Variants in SKP1 observed in about 807,000 individuals in gnomAD.
The protein encoded by SKP1 is S-phase kinase associated protein 1.
SKP1 carries 1 observed loss-of-function variant against 21.5 expected under a neutral mutation model. The observed-to-expected ratio is 0.05, with a 90% CI of 0.02 to 0.22. The LOEUF is 0.22. Ranked by LOEUF, SKP1 falls within the 10% of genes least tolerant of loss-of-function variation. The pLI, the probability that SKP1 is intolerant of heterozygous loss-of-function variation, is 1.00. For missense variants in SKP1, 70 were observed against 192.0 expected (o/e 0.36, Z 3.76); for synonymous variants, 59 against 59.3 (o/e 0.99, Z 0.03).
intron 2 of SKP1, among the ~76,000 whole-genome samples, chr5:134,170,082 T>C (rs59105115): frequency 0.1 from 15,567 of 151,246 alleles, 997 homozygotes; most frequent in African/African-American, 0.17. Flanking sequence ...GGCAGGGGAA[T>C]TGCTTGAACC....
rs976793444 is a variant in SKP1 at position 134,151,745 on chromosome 5, A to C, written c.*5988T>G. ...ATGAGCAACTACATTCCTCCCATAG[A>C]ATGCTGCTCAATACTGGCACACAGA... On this transcript the variant is annotated 3_prime_UTR_variant, in exon 6 of 6. Coordinates refer to ENST00000353411, the MANE Select transcript of SKP1 (RefSeq NM_170679.3). 4 of 455,314 alleles carry C rather than the reference A, an allele frequency of 8.8e-6. No homozygotes were observed. The East Asian group carries it at 2.8e-4, about 32-fold the overall frequency. The allele number at this position is 455,314 out of a possible 1,614,324, so 28.2% of individuals were successfully genotyped here. A position where few individuals can be genotyped will look rare whatever the true frequency, so the allele number is the denominator to read the frequency against.
At position 134,151,655 on chromosome 5, in the gene SKP1, G is replaced by A. The variant is rs1347161582; in HGVS notation, c.*6078C>T. 2.2e-6 allele frequency: 1 copy of A among 456,102 alleles called. No individual in the cohort carries two copies. Among genetic ancestry groups the A allele is most frequent in the East Asian group, 6.9e-5 (1 of 14,396 alleles). 28.3% of individuals were successfully genotyped at this position (456,102 alleles called of 1,614,324 possible). On this transcript the variant is annotated 3_prime_UTR_variant, in exon 6 of 6. Coordinates refer to ENST00000353411, the MANE Select transcript of SKP1 (RefSeq NM_170679.3). ...GTCTGAATATACTTAAATACTTCCA[G>A]AAAATTTAAAGTTGACAGATATCAG...
At chr5:134,163,352 T>A (rs1761258215) in intron 3 of SKP1, among the ~76,000 whole-genome samples, 1 of 150,284 alleles carries the variant, frequency 6.7e-6, no homozygotes, top group Non-Finnish European at 1.5e-5. Flanking sequence ...AACAAAAAAA[T>A]GCCACATTAC....
At chr5:134,157,851 T>C (rs896802604) in intron 5 of SKP1, 83 bp from the exon 6 acceptor site, 22 of 1,610,718 alleles carry the variant, frequency 1.4e-5, no homozygotes, top group East Asian at 2.2e-5. Context: ...GATTCATCGA[T>C]AGCCAGTGAG....
Position 134,156,655 on chromosome 5 carries a change from T to C in SKP1, c.*1078A>G, listed in dbSNP as rs1362297613. ...CTTCATTCTATTGTAGGAGGGAAGCTGGAAACAATGGCAGAGTAATTTTGT... is the reference window on the plus strand; with the variant it reads ...CTTCATTCTATTGTAGGAGGGAAGCCGGAAACAATGGCAGAGTAATTTTGT... On this transcript the variant is annotated 3_prime_UTR_variant, in exon 6 of 6. Coordinates refer to ENST00000353411, the MANE Select transcript of SKP1 (RefSeq NM_170679.3). 1.3e-5 allele frequency: 2 copies of C among 152,256 alleles called. No homozygotes were observed. Among genetic ancestry groups the C allele is most frequent in the Non-Finnish European group, 2.9e-5 (2 of 68,040 alleles). The allele number at this position is 152,256 out of a possible 1,614,324, so 9.4% of individuals were successfully genotyped here.
In SKP1 at chr5:134,157,597, G is replaced by C. The variant is rs1761142462; in HGVS notation, c.*136C>G. On this transcript the variant is annotated 3_prime_UTR_variant, in exon 6 of 6. Coordinates refer to ENST00000353411, the MANE Select transcript of SKP1 (RefSeq NM_170679.3). ...TGTGCTCAAACTACACATGCAATGAGGACAATATTCTGCTAATACAATTGA... is the reference window on the plus strand; with the variant it reads ...TGTGCTCAAACTACACATGCAATGACGACAATATTCTGCTAATACAATTGA... 1 of 787,596 alleles carries C rather than the reference G, an allele frequency of 1.3e-6. No homozygotes were observed. Among genetic ancestry groups the C allele is most frequent in the Non-Finnish European group, 2.2e-6 (1 of 447,840 alleles). 48.8% of individuals were successfully genotyped at this position (787,596 alleles called of 1,614,324 possible). A position where few individuals can be genotyped will look rare whatever the true frequency, so the allele number is the denominator to read the frequency against.
At position 134,176,944 on chromosome 5, in the gene SKP1, C is replaced by G. The variant is rs1034978294; in HGVS notation, c.-90G>C. The G allele has an allele frequency of 6.6e-6, 1 of 152,464 alleles. No homozygotes were observed. The highest frequency in any genetic ancestry group is 1.5e-5 in the Non-Finnish European group (1 of 68,164). The allele number at this position is 152,464 out of a possible 1,614,324, so 9.4% of individuals were successfully genotyped here. On this transcript the variant is annotated 5_prime_UTR_variant, in exon 1 of 6. Transcript: ENST00000353411. ...AAGAGAAAAACCGAAGACGAAGCCACTACAGCGTCGCAGCGCGGCGCGGCG... is the reference window on the plus strand; with the variant it reads ...AAGAGAAAAACCGAAGACGAAGCCAGTACAGCGTCGCAGCGCGGCGCGGCG...
intron 3 of SKP1, among the ~76,000 whole-genome samples, chr5:134,166,807 TG>T (rs1580929493): frequency 1.3e-5 from 2 of 152,258 alleles, no homozygotes; most frequent in East Asian, 3.9e-4. Context: ...GCTCTAGAAG[TG>T]GTATCTTTAC....
At chr5:134,171,851 C>A (rs1406107640) in intron 2 of SKP1, among the ~76,000 whole-genome samples, 2 of 152,126 alleles carry the variant, frequency 1.3e-5, no homozygotes, top group Non-Finnish European at 2.9e-5. Flanking sequence ...TTGAGACCAG[C>A]CTGACCAACA....
intron 2 of SKP1, among the ~76,000 whole-genome samples, chr5:134,171,681 T>C (rs1003683513): frequency 2.4e-4 from 36 of 152,200 alleles, no homozygotes; most frequent in African/African-American, 7.2e-4. Context: ...GTATTTTCAC[T>C]TTCCCTAGCA....
chr5:134,164,964 A>G (rs1339993737), intron 3 of SKP1, among the ~76,000 whole-genome samples: 1 of 151,790 alleles, frequency 6.6e-6, no homozygotes, highest in Non-Finnish European at 1.5e-5. Context: ...ATGATTCCAT[A>G]TATTATGTAT....
In SKP1 at chr5:134,160,973, C is replaced by A; in HGVS notation, c.315+14G>T. 1 of 1,601,202 alleles carries A rather than the reference C, an allele frequency of 6.2e-7. No homozygotes were observed. The highest frequency in any genetic ancestry group is 8.5e-7 in the Non-Finnish European group (1 of 1,171,332). Reference sequence around the variant, plus strand: ...GGCTCTAGAGTAGAGCTATCTTACACATTAAAAACTTACCAGAATGAGTTC... The same window carrying A: ...GGCTCTAGAGTAGAGCTATCTTACAAATTAAAAACTTACCAGAATGAGTTC... On this transcript the variant is annotated intron_variant, in intron 4 of 5. Transcript: ENST00000353411.
intron 2 of SKP1, among the ~76,000 whole-genome samples, chr5:134,172,689 C>A (rs1329984359): frequency 6.6e-6 from 1 of 151,746 alleles, no homozygotes; most frequent in Non-Finnish European, 1.5e-5. Flanking sequence ...GCGAGAACAA[C>A]CAGGGTAACA....
At chr5:134,165,080 G>A (rs1158525970) in intron 3 of SKP1, among the ~76,000 whole-genome samples, 1 of 141,372 alleles carries the variant, frequency 7.1e-6, no homozygotes, top group East Asian at 2.3e-4. Flanking sequence ...AGGGGGGAGG[G>A]TGTACCGAAA....
In SKP1 at chr5:134,160,691, G is replaced by A. The variant is rs140159413; in HGVS notation, c.315+296C>T. Among the ~76,000 whole-genome samples, 688 of 152,116 alleles carry A rather than the reference G, an allele frequency of 4.5e-3. 7 individuals are homozygous for A. Among genetic ancestry groups the A allele is most frequent in the African/African-American group, 0.016 (659 of 41,504 alleles). The stretch of plus-strand genomic sequence containing the variant: ...AGTCACTCCAGCTTTCTTTTGATTC[G>A]TGTTAGTGTACCGTATCTTCTTCCA... On this transcript the variant is annotated intron_variant, in intron 4 of 5. Coordinates refer to ENST00000353411, the MANE Select transcript of SKP1 (RefSeq NM_170679.3).
chr5:134,172,792 C>T (rs10036708), intron 2 of SKP1, among the ~76,000 whole-genome samples: 7,214 of 151,962 alleles, frequency 0.047, 489 homozygotes, highest in African/African-American at 0.15. Context: ...GCGGGTGGAT[C>T]GCAAGGTCAG....
At position 134,154,696 on chromosome 5, in the gene SKP1, C is replaced by T. The variant is rs1425116570; in HGVS notation, c.*3037G>A. On this transcript the variant is annotated 3_prime_UTR_variant, in exon 6 of 6. Coordinates refer to ENST00000353411, the MANE Select transcript of SKP1 (RefSeq NM_170679.3). The stretch of plus-strand genomic sequence containing the variant: ...GTTGTTTACAGAGGAAACCGACAAA[C>T]ATCCTTCAATCACCCAAATCTGCCA... 2.6e-5 allele frequency: 4 copies of T among 152,284 alleles called. No individual in the cohort carries two copies. The highest frequency in any genetic ancestry group is 4.1e-4 in the South Asian group (2 of 4,828). The allele number at this position is 152,284 out of a possible 1,614,324, so 9.4% of individuals were successfully genotyped here.
intron 3 of SKP1, chr5:134,161,900 A>T (rs1249880512): frequency 6.6e-6 from 1 of 152,202 alleles, no homozygotes; most frequent in Non-Finnish European, 1.5e-5. Flanking sequence ...CAATACTGAA[A>T]GTGTTTTCAG....
Position 134,167,220 on chromosome 5 carries a change from C to G in SKP1, c.121G>C (p.Asp41His). ...TTTGGTAGAGGAACTGGGTCATCAT[C>G]TCCTTCATCATCCATTCCCAAATCT... ...LEDLGMDDEGDDDPVPLPNVN... is the reference protein window; with the variant it reads ...LEDLGMDDEGHDDPVPLPNVN... The change falls in exon 3 of 6, where the codon GAT becomes CAT. Residue 41 changes from aspartate to histidine, a missense_variant. Physicochemically the swap from Asp to His is moderately conservative, Grantham distance 81 (BLOSUM62 -1). This residue lies in a region of SKP1 where 33 missense variants were observed against 64.9 expected (regional missense o/e 0.51). Transcript: ENST00000353411. The G allele has an allele frequency of 6.2e-7, 1 of 1,605,694 alleles. No homozygotes were observed. The highest frequency in any genetic ancestry group is 1.3e-5 in the African/African-American group (1 of 74,770).
Sources: gnomAD v4.1 joint callset for allele counts (sites outside exome capture counted in the v4.1 genomes callset) on GRCh38, gnomAD v4.1.1 for gene constraint, gnomAD v4.1.1 regional missense constraint, MANE v1.5 for transcripts, NCBI Gene and HGNC (gene_info 2026-07-23, HGNC 2026-07-21) for gene names.